The following RAPH1 variants were observed in gnomAD, a reference collection of about 807,000 sequenced individuals.
RAPH1 encodes ras-associated and pleckstrin homology domains-containing protein 1.
A neutral mutation model predicts 88.1 loss-of-function variants in RAPH1; 18 were observed. That is an observed-to-expected ratio of 0.20 (90% CI 0.14 to 0.30). The LOEUF is 0.30. Among genes scored for constraint, RAPH1 ranks in the 10% least tolerant of loss-of-function variants. RAPH1 has a pLI of 1.00. For synonymous variants in RAPH1, 587 were observed against 559.0 expected, an observed-to-expected ratio of 1.05 and a Z score of -0.71; for missense variants, 1,448 against 1,543.2, an observed-to-expected ratio of 0.94 and a Z score of 1.03.
chr2:203,491,699 G>A (rs1337216270), intron 2 of RAPH1, among the ~76,000 whole-genome samples: 1 of 152,000 alleles, frequency 6.6e-6, no homozygotes, highest in South Asian at 2.1e-4. Context: ...GTAGAGACAG[G>A]GTGTCACCAT....
chr2:203,509,707 T>A (rs1336540494), intron 1 of RAPH1, among the ~76,000 whole-genome samples: 1 of 152,204 alleles, frequency 6.6e-6, no homozygotes, highest in Non-Finnish European at 1.5e-5. Context: ...AAATCTCATG[T>A]CAAATGTAAT....
intron 1 of RAPH1, among the ~76,000 whole-genome samples, chr2:203,498,687 T>G (rs1688616748): frequency 6.6e-6 from 1 of 152,120 alleles, no homozygotes; most frequent in South Asian, 2.1e-4. Context: ...AATCCTGGAC[T>G]TCTGAGAACA....
At position 203,444,851 on chromosome 2, in the gene RAPH1, T is replaced by TA. The variant is rs752065299; in HGVS notation, c.1776+16dup. Reference sequence around the variant, plus strand: ...ATACCACAGAATTTTCAATGTAAATTAAAACGAAGCTGTTACCTTGCTGGA... The same window carrying TA: ...ATACCACAGAATTTTCAATGTAAATTAAAAACGAAGCTGTTACCTTGCTGGA... On this transcript the variant is annotated intron_variant, in intron 13 of 13. Coordinates refer to ENST00000319170, the MANE Select transcript of RAPH1 (RefSeq NM_213589.3). 5.0e-6 allele frequency: 8 copies of TA among 1,610,648 alleles called. No homozygotes were observed. The East Asian group carries it at 1.6e-4, about 31-fold the overall frequency.
In RAPH1 at chr2:203,468,638, C is replaced by T. The variant is rs184055099; in HGVS notation, c.733-6713G>A. Among the ~76,000 whole-genome samples the T allele has an allele frequency of 2.6e-5, 4 of 152,114 alleles. No individual in the cohort carries two copies. In the East Asian group the frequency reaches 5.8e-4, roughly 22 times the overall value. On this transcript the variant is annotated intron_variant, in intron 4 of 13. Coordinates refer to ENST00000319170, the MANE Select transcript of RAPH1 (RefSeq NM_213589.3). ...TATCTTCATAAACAGACTGTGAGCTCGAGGGTGAGGAACAGGTATATTTTA... is the reference window on the plus strand; with the variant it reads ...TATCTTCATAAACAGACTGTGAGCTTGAGGGTGAGGAACAGGTATATTTTA...
chr2:203,438,372 A>G lies in RAPH1; in HGVS notation c.*1065T>C. The G allele has an allele frequency of 2.9e-6, 1 of 344,208 alleles. No individual in the cohort carries two copies. Among genetic ancestry groups the G allele is most frequent in the South Asian group, 2.2e-5 (1 of 44,592 alleles). 21.3% of individuals were successfully genotyped at this position (344,208 alleles called of 1,614,324 possible). A position where few individuals can be genotyped will look rare whatever the true frequency, so the allele number is the denominator to read the frequency against. On this transcript the variant is annotated 3_prime_UTR_variant, in exon 14 of 14. Transcript: ENST00000319170. ...ATGCTCAAAAAATGCATTTTAGAAAATGATTTTGTTTTTCATAATGCACCA... is the reference window on the plus strand; with the variant it reads ...ATGCTCAAAAAATGCATTTTAGAAAGTGATTTTGTTTTTCATAATGCACCA...
At chr2:203,475,760 A>G (rs1687393224) in intron 4 of RAPH1, among the ~76,000 whole-genome samples, 1 of 151,868 alleles carries the variant, frequency 6.6e-6, no homozygotes, top group Non-Finnish European at 1.5e-5. Context: ...AAAAAAAAAA[A>G]AAAAAAGGCT....
Position 203,528,255 on chromosome 2 carries a change from T to TA in RAPH1, c.-1+6855dup, listed in dbSNP as rs748224519. On this transcript the variant is annotated intron_variant, in intron 1 of 13. Transcript: ENST00000319170. ...ACTTAGTAAGAAAATAGCTGTATTC[T>TA]AAAAAAAAAAAATGTGTCATCTTAA... is the stretch of plus-strand genomic sequence containing the variant. Among the ~76,000 whole-genome samples the TA allele has an allele frequency of 1.2e-3, 170 of 144,928 alleles. No individual in the cohort carries two copies. The South Asian group carries it at 0.017, about 14-fold the overall frequency.
intron 7 of RAPH1, 38 bp from the exon 8 acceptor site, chr2:203,457,633 GA>G: frequency 7.0e-7 from 1 of 1,437,620 alleles, no homozygotes; most frequent in Non-Finnish European, 9.8e-7. Flanking sequence ...GGGTGGGAGA[GA>G]AAAAAAGAAG....
chr2:203,510,270 A>G (rs1689277196), intron 1 of RAPH1, among the ~76,000 whole-genome samples: 1 of 129,822 alleles, frequency 7.7e-6, no homozygotes, highest in Admixed American at 9.6e-5. Context: ...TGGGAGGCAG[A>G]GGTTGCAGTG....
In RAPH1 at chr2:203,489,698, A is replaced by T. The variant is rs764929076; in HGVS notation, c.618T>A (p.Asn206Lys). Residue 206 changes from asparagine to lysine, a missense_variant, in exon 4 of 14, where the codon AAT becomes AAA. Physicochemically the swap from Asn to Lys is moderately conservative, Grantham distance 94. Coordinates refer to ENST00000319170, the MANE Select transcript of RAPH1 (RefSeq NM_213589.3). ...CGGAAGTGATGCTGGAATGGGAGGAATTACTAATAGAGTGTACTTCAGCAT... is the reference window on the plus strand; with the variant it reads ...CGGAAGTGATGCTGGAATGGGAGGATTTACTAATAGAGTGTACTTCAGCAT... ...VSDAEVHSISNSSHSSITSAA... is the reference protein window; with the variant it reads ...VSDAEVHSISKSSHSSITSAA... 1 of 1,614,144 alleles carries T rather than the reference A, an allele frequency of 6.2e-7. No homozygotes were observed. Among genetic ancestry groups the T allele is most frequent in the East Asian group, 2.2e-5 (1 of 44,882 alleles).
chr2:203,481,717 G>A (rs534665267), intron 4 of RAPH1, among the ~76,000 whole-genome samples: 6 of 149,074 alleles, frequency 4.0e-5, no homozygotes, highest in East Asian at 2.0e-4. Flanking sequence ...TCAGCCTCCC[G>A]AGTAGCTGGA....
rs1453501385 is a variant in RAPH1 at position 203,453,365 on chromosome 2, C to T, written c.1413+1065G>A. ...TCTGTGACTAGCCTAGGCAATATGGCTAAACCCTGTCTCTACAAAAAAACA... is the reference window on the plus strand; with the variant it reads ...TCTGTGACTAGCCTAGGCAATATGGTTAAACCCTGTCTCTACAAAAAAACA... On this transcript the variant is annotated intron_variant, in intron 10 of 13. Coordinates refer to ENST00000319170, the MANE Select transcript of RAPH1 (RefSeq NM_213589.3). Among the ~76,000 whole-genome samples the T allele has an allele frequency of 3.3e-5, 5 of 151,604 alleles. No homozygotes were observed. In the East Asian group the frequency reaches 5.8e-4, roughly 18 times the overall value.
At chr2:203,456,429 G>A (rs1324583474) in intron 8 of RAPH1, among the ~76,000 whole-genome samples, 1 of 152,140 alleles carries the variant, frequency 6.6e-6, no homozygotes, top group Non-Finnish European at 1.5e-5. Flanking sequence ...GTGACTCTAA[G>A]ACAAAGAGGG....
Position 203,454,454 on chromosome 2 carries a change from A to C in RAPH1, c.1389T>G (p.Pro463=), listed in dbSNP as rs1464460875. ...GQDYRNKYKA[P]TDYCLVLKHP... is the part of the protein sequence containing the mutation. ...CCTTCAGCACCAGACAATAGTCTGT[A>C]GGTGCTTTGTATTTGTTCCGATAGT... Residue 463 remains proline (P), a synonymous_variant, in exon 10 of 14, where the codon CCT becomes CCG. Transcript: ENST00000319170. The C allele has an allele frequency of 6.2e-7, 1 of 1,612,326 alleles. No individual in the cohort carries two copies. The highest frequency in any genetic ancestry group is 2.2e-5 in the East Asian group (1 of 44,834).
At chr2:203,477,889 T>C (rs910082697) in intron 4 of RAPH1, among the ~76,000 whole-genome samples, 1 of 152,146 alleles carries the variant, frequency 6.6e-6, no homozygotes, top group Non-Finnish European at 1.5e-5. Flanking sequence ...CACTGCCAAA[T>C]TCCCTTAATT....
At chr2:203,503,446 A>G (rs1007815686) in intron 1 of RAPH1, among the ~76,000 whole-genome samples, 1 of 152,192 alleles carries the variant, frequency 6.6e-6, no homozygotes, top group South Asian at 2.1e-4. Context: ...TAAACCCATC[A>G]GATCTCATGA....
intron 1 of RAPH1, among the ~76,000 whole-genome samples, chr2:203,511,818 A>G (rs1581390773): frequency 6.6e-6 from 1 of 152,116 alleles, no homozygotes; most frequent in African/African-American, 2.4e-5. Context: ...GCTAAAAGAG[A>G]CTTTAAGAAT....
intron 8 of RAPH1, among the ~76,000 whole-genome samples, chr2:203,456,250 A>C (rs537004408): frequency 9.2e-5 from 14 of 152,368 alleles, no homozygotes; most frequent in African/African-American, 3.4e-4. Flanking sequence ...CTTTGCAAAC[A>C]GCACAGTTAC....
chr2:203,529,877 T>C (rs1292705446), intron 1 of RAPH1, among the ~76,000 whole-genome samples: 1 of 152,194 alleles, frequency 6.6e-6, no homozygotes, highest in African/African-American at 2.4e-5. Flanking sequence ...GTAAACTTTA[T>C]CTGTTCACCC....
Sources: gnomAD v4.1 joint callset for allele counts (sites outside exome capture counted in the v4.1 genomes callset) on GRCh38, gnomAD v4.1.1 for gene constraint, MANE v1.5 for transcripts, NCBI Gene and HGNC (gene_info 2026-07-23, HGNC 2026-07-21) for gene names.